TECPR2: variants seen among roughly 807,000 people sequenced by gnomAD.
The protein encoded by TECPR2 is tectonin beta-propeller repeat-containing protein 2.
A neutral mutation model predicts 138.1 loss-of-function variants in TECPR2; 65 were observed. The observed-to-expected ratio is 0.47, with a 90% CI of 0.39 to 0.58. TECPR2 has a LOEUF of 0.58. Ranked by LOEUF, TECPR2 falls within the 20% of genes least tolerant of loss-of-function variation. TECPR2 has a pLI of 0.00. For missense variants in TECPR2, 1,553 were observed against 1,824.5 expected (o/e 0.85, Z 2.71); for synonymous variants, 746 against 749.8 (o/e 0.99, Z 0.08).
chr14:102,493,762 G>A lies in TECPR2; in HGVS notation c.3790-3217G>A, dbSNP rs1326533326. ...CCTCCCTGCTGTGACAGGGGCAGGG[G>A]CTGCGGTGACCCTGCAGCACAGGCG... On this transcript the variant is annotated intron_variant, in intron 17 of 19. Transcript: ENST00000359520. 2.6e-5 allele frequency among the ~76,000 whole-genome samples: 4 copies of A among 152,334 alleles called. No individual in the cohort carries two copies. The East Asian group carries it at 7.7e-4, about 29-fold the overall frequency.
chr14:102,475,946 G>A (rs1890748693), intron 17 of TECPR2, among the ~76,000 whole-genome samples: 3 of 152,246 alleles, frequency 2.0e-5, no homozygotes, highest in Middle Eastern at 3.4e-3. Flanking sequence ...GGCATGCAAC[G>A]GCTCACACCT....
Position 102,438,272 on chromosome 14 carries a change from G to A in TECPR2, c.2578+67G>A, listed in dbSNP as rs541674551. ...CGCCGCTCCTGCTCCCCGCCCCCGG[G>A]GTGCAGACATCTTAGTACAGGGCTC... is the stretch of plus-strand genomic sequence containing the variant. On this transcript the variant is annotated intron_variant, in intron 10 of 19. Coordinates refer to ENST00000359520, the MANE Select transcript of TECPR2 (RefSeq NM_014844.5). 15 of 1,534,214 alleles carry A rather than the reference G, an allele frequency of 9.8e-6. No individual in the cohort carries two copies. The East Asian group carries it at 2.1e-4, about 21-fold the overall frequency.
At chr14:102,497,448 A>G (rs1891314984) in intron 18 of TECPR2, 122 bp from the exon 19 acceptor site, 2 of 1,307,594 alleles carry the variant, frequency 1.5e-6, no homozygotes, top group South Asian at 3.5e-5. Flanking sequence ...CCAGCCCATC[A>G]TGGGCACTCC....
Position 102,418,868 on chromosome 14 carries a change from G to C in TECPR2, c.638+4075G>C, listed in dbSNP as rs141675558. ...TCTGAGGTGTGAGAGGGATGAGTTGGAGATGATTCCTAGGTCTGTGGTCTA... is the reference window on the plus strand; with the variant it reads ...TCTGAGGTGTGAGAGGGATGAGTTGCAGATGATTCCTAGGTCTGTGGTCTA... On this transcript the variant is annotated intron_variant, in intron 5 of 19. Transcript: ENST00000359520. 4.2e-3 allele frequency among the ~76,000 whole-genome samples: 637 copies of C among 152,312 alleles called. 8 individuals carry two copies. Among genetic ancestry groups the C allele is most frequent in the African/African-American group, 0.014 (602 of 41,566 alleles).
chr14:102,496,085 G>A (rs554307880), intron 17 of TECPR2, among the ~76,000 whole-genome samples: 2 of 152,378 alleles, frequency 1.3e-5, no homozygotes, highest in East Asian at 3.9e-4. Context: ...CGGCAGCGAG[G>A]GATCTGCCAG....
chr14:102,449,496 T>G, intron 13 of TECPR2, 133 bp from the exon 14 acceptor site: 6 of 1,404,752 alleles, frequency 4.3e-6, no homozygotes, highest in Non-Finnish European at 5.8e-6. Flanking sequence ...CACGTGCACA[T>G]TTGTGTTTGG....
chr14:102,498,034 C>CAGCTCCATCTGTGCCCAAGCTCCA, intron 19 of TECPR2, 69 bp from the exon 20 acceptor site: 1 of 1,568,818 alleles, frequency 6.4e-7, no homozygotes, highest in Admixed American at 1.8e-5. Context: ...CCCAAGCTCC[C>CAGCTCCATCTGTGCCCAAGCTCCA]AGCTCCATCT....
intron 9 of TECPR2, among the ~76,000 whole-genome samples, chr14:102,437,751 G>A (rs1458327158): frequency 1.3e-5 from 2 of 152,106 alleles, no homozygotes; most frequent in Non-Finnish European, 2.9e-5. Context: ...TGCTCTAAGC[G>A]TTACATTTGC....
At chr14:102,459,713 A>T (rs1890359072) in intron 16 of TECPR2, among the ~76,000 whole-genome samples, 1 of 152,196 alleles carries the variant, frequency 6.6e-6, no homozygotes, top group South Asian at 2.1e-4. Flanking sequence ...GGTTACAAAG[A>T]TCATGCCATT....
At chr14:102,442,700 G>A (rs560710719) in intron 11 of TECPR2, among the ~76,000 whole-genome samples, 114 of 152,292 alleles carry the variant, frequency 7.5e-4, no homozygotes, top group African/African-American at 2.5e-3. Context: ...AAGTCCTGCC[G>A]GTGATTCCCA....
At chr14:102,368,578 A>ATAT (rs1887408825) in intron 1 of TECPR2, among the ~76,000 whole-genome samples, 1 of 150,410 alleles carries the variant, frequency 6.6e-6, no homozygotes, top group Non-Finnish European at 1.5e-5. Flanking sequence ...TTTATCAGAT[A>ATAT]TATAACCAGG....
At position 102,426,955 on chromosome 14, in the gene TECPR2, G is replaced by A. The variant is rs950571878; in HGVS notation, c.952-1295G>A. On this transcript the variant is annotated intron_variant, in intron 6 of 19. Transcript: ENST00000359520. Reference sequence around the variant, plus strand: ...GAAGTTTTATGAATTATTATCAGCCGTACCTGGTAACACTGGTTTGGCAGA... The same window carrying A: ...GAAGTTTTATGAATTATTATCAGCCATACCTGGTAACACTGGTTTGGCAGA... Among the ~76,000 whole-genome samples the A allele has an allele frequency of 3.9e-5, 6 of 152,184 alleles. No individual in the cohort carries two copies. The South Asian group carries it at 6.2e-4, about 16-fold the overall frequency.
In TECPR2 at chr14:102,401,804, CAA is replaced by C. The variant is rs34413626; in HGVS notation, c.220-5512_220-5511del. On this transcript the variant is annotated intron_variant, in intron 2 of 19. Transcript: ENST00000359520. ...TGTGCAAAAGAGCGAGACTCCGTCT[CAA>C]AAAAAAAAAAAAAAAAAAAAAGAGA... Among the ~76,000 whole-genome samples, 11 of 68,952 alleles carry C rather than the reference CAA, an allele frequency of 1.6e-4. No individual in the cohort carries two copies. The East Asian group carries it at 2.4e-3, about 15-fold the overall frequency. The allele number at this position is 68,952 out of a possible 152,430, so 45.2% of individuals were successfully genotyped here. A position where few individuals can be genotyped will look rare whatever the true frequency, so the allele number is the denominator to read the frequency against.
At chr14:102,448,389 G>A (rs1021559038) in intron 13 of TECPR2, among the ~76,000 whole-genome samples, 1 of 152,214 alleles carries the variant, frequency 6.6e-6, no homozygotes, top group African/African-American at 2.4e-5. Context: ...TGCCCAAGAA[G>A]AGAAGAGCTT....
chr14:102,408,758 C>A, intron 4 of TECPR2, 139 bp downstream of exon 4: 1 of 975,884 alleles, frequency 1.0e-6, no homozygotes, highest in Non-Finnish European at 1.4e-6. Flanking sequence ...GTAACATTTA[C>A]TTTTATAGAC....
chr14:102,497,271 C>G lies in TECPR2; in HGVS notation c.3931+151C>G, dbSNP rs1301336582. ...GCTGCTTCCTGGGCCAGGGGACAAG[C>G]CTCCCATCATGTTCCTTATCAGGGG... On this transcript the variant is annotated intron_variant, in intron 18 of 19. Coordinates refer to ENST00000359520, the MANE Select transcript of TECPR2 (RefSeq NM_014844.5). 6 of 1,346,572 alleles carry G rather than the reference C, an allele frequency of 4.5e-6. No homozygotes were observed. The African/African-American group carries it at 8.8e-5, about 20-fold the overall frequency. 83.4% of individuals were successfully genotyped at this position (1,346,572 alleles called of 1,614,324 possible).
chr14:102,365,386 T>C (rs1453998642), intron 1 of TECPR2, among the ~76,000 whole-genome samples: 1 of 152,190 alleles, frequency 6.6e-6, no homozygotes, highest in East Asian at 1.9e-4. Flanking sequence ...GACTAGTTCT[T>C]ACAGGGCACA....
intron 4 of TECPR2, among the ~76,000 whole-genome samples, chr14:102,410,464 A>G (rs1035155633): frequency 6.7e-6 from 1 of 149,622 alleles, no homozygotes; most frequent in Non-Finnish European, 1.5e-5. Flanking sequence ...CAATAAAAAA[A>G]TAAATTAAAA....
At chr14:102,414,498 C>A in intron 4 of TECPR2, 138 bp from the exon 5 acceptor site, 2 of 1,031,106 alleles carry the variant, frequency 1.9e-6, no homozygotes, top group Non-Finnish European at 2.9e-6. Flanking sequence ...AGTGAATCTG[C>A]AGAGAGTGAA....
Sources: gnomAD v4.1 joint callset for allele counts (sites outside exome capture counted in the v4.1 genomes callset) on GRCh38, gnomAD v4.1.1 for gene constraint, MANE v1.5 for transcripts, NCBI Gene and HGNC (gene_info 2026-07-23, HGNC 2026-07-21) for gene names.